The following GLS variants were observed in gnomAD, a reference collection of about 807,000 sequenced individuals.
GLS encodes glutaminase, also known as glutaminase kidney isoform, mitochondrial.
A neutral mutation model predicts 86.7 loss-of-function variants in GLS; 36 were observed. The ratio of observed to expected loss-of-function variants is 0.42; its 90% CI spans 0.32 to 0.55. The LOEUF (loss-of-function observed/expected upper bound fraction) is 0.55, where lower values mean the gene tolerates loss of function less well. GLS is among the 20% of genes least tolerant of loss of function. GLS has a pLI of 0.17. For synonymous variants in GLS, 317 were observed against 305.9 expected (o/e 1.04, Z -0.38); for missense variants, 528 against 833.4 (o/e 0.63, Z 4.51).
At position 190,921,803 on chromosome 2, in the gene GLS, C is replaced by T. The variant is rs1309118260; in HGVS notation, c.1130+600C>T. 5.9e-5 allele frequency among the ~76,000 whole-genome samples: 9 copies of T among 151,946 alleles called. No individual in the cohort carries two copies. Among genetic ancestry groups the T allele is most frequent in the South Asian group, 2.1e-4 (1 of 4,828 alleles). On this transcript the variant is annotated intron_variant, in intron 9 of 17. Coordinates refer to ENST00000320717, the MANE Select transcript of GLS (RefSeq NM_014905.5). This position sits in a 1 kb window ranked among gnomAD's most constrained non-coding sequence, Gnocchi z 4.2. ...ACAATACCATTAACACATGTAAGAA[C>T]GTTAACGTTAATTTTAAAATATCAT...
Position 190,962,712 on chromosome 2 carries a change from A to T in GLS, c.1854-118A>T. ...TCTATTATTAATTTTTATTTGTAAA[A>T]TTGCTAAAATAGCTAAATTTGGCCA... On this transcript the variant is annotated intron_variant, in intron 17 of 17. Transcript: ENST00000320717. This position sits in a 1 kb window ranked among gnomAD's most constrained non-coding sequence, Gnocchi z 4.2. 1 of 510,296 alleles carries T rather than the reference A, an allele frequency of 2.0e-6. No homozygotes were observed. The highest frequency in any genetic ancestry group is 3.3e-6 in the Non-Finnish European group (1 of 305,602). 31.6% of individuals were successfully genotyped at this position (510,296 alleles called of 1,614,324 possible). A position where few individuals can be genotyped will look rare whatever the true frequency, so the allele number is the denominator to read the frequency against.
chr2:190,942,099 A>G (rs1245807495), intron 14 of GLS, among the ~76,000 whole-genome samples: 2 of 12,476 alleles, frequency 1.6e-4, no homozygotes, highest in South Asian at 6.0e-3. Flanking sequence ...TTTTTTTTTG[A>G]GACGGAGTCT....
intron 14 of GLS, chr2:190,934,797 T>TTA: frequency 1.0e-6 from 1 of 963,066 alleles, no homozygotes; most frequent in Non-Finnish European, 1.2e-6. Context: ...TGAAGTACTG[T>TTA]TATCTAAGCT....
Position 190,943,684 on chromosome 2 carries a change from G to T in GLS, c.1651-9881G>T, listed in dbSNP as rs1367560231. On this transcript the variant is annotated intron_variant, in intron 14 of 17. Coordinates refer to ENST00000320717, the MANE Select transcript of GLS (RefSeq NM_014905.5). The surrounding 1 kb of genome is among the most constrained non-coding windows in gnomAD (Gnocchi z 4.5). ...CAATTTTCTGTATTATATGTTGGAGGAGCCTGCTATGTAATTTGAATAATA... is the reference window on the plus strand; with the variant it reads ...CAATTTTCTGTATTATATGTTGGAGTAGCCTGCTATGTAATTTGAATAATA... 6.6e-6 allele frequency among the ~76,000 whole-genome samples: 1 copy of T among 152,122 alleles called. No individual in the cohort carries two copies. The highest frequency in any genetic ancestry group is 1.5e-5 in the Non-Finnish European group (1 of 68,006).
Position 190,895,202 on chromosome 2 carries a change from C to CAA in GLS, c.438_439dup (p.Ile147LysfsTer30). 1 of 1,554,200 alleles carries CAA rather than the reference C, an allele frequency of 6.4e-7. No individual in the cohort carries two copies. Among genetic ancestry groups the CAA allele is most frequent in the Non-Finnish European group, 8.9e-7 (1 of 1,128,986 alleles). On this transcript the variant is annotated frameshift_variant, in exon 2 of 18. Coordinates refer to ENST00000320717, the MANE Select transcript of GLS (RefSeq NM_014905.5). LOFTEE classifies it high-confidence loss of function. This position sits in a 1 kb window ranked among gnomAD's most constrained non-coding sequence, Gnocchi z 4.2. Reference sequence around the variant, plus strand: ...AGCTTGGAAGATTTGCTGTTCTATACAATTGCTGAAGGACAAGAGAAAATA... The same window carrying CAA: ...AGCTTGGAAGATTTGCTGTTCTATACAAAATTGCTGAAGGACAAGAGAAAATA...
chr2:190,926,093 T>G (rs1004506864), intron 11 of GLS, among the ~76,000 whole-genome samples: 7 of 152,216 alleles, frequency 4.6e-5, no homozygotes, highest in African/African-American at 1.4e-4. Flanking sequence ...TACTGACTTT[T>G]TTGGAGAAGG....
chr2:190,892,198 A>T (rs1688587323), intron 1 of GLS, among the ~76,000 whole-genome samples: 1 of 152,200 alleles, frequency 6.6e-6, no homozygotes, highest in Admixed American at 6.6e-5. Context: ...AGGCTAAAGT[A>T]GGGGAAGGAA....
At chr2:190,887,683 TTAGGAATC>T (rs1688433314) in intron 1 of GLS, among the ~76,000 whole-genome samples, 1 of 152,172 alleles carries the variant, frequency 6.6e-6, no homozygotes, top group Non-Finnish European at 1.5e-5. Context: ...TCATACCTTT[TTAGGAATC>T]TAAGTTCACA....
rs1413502468 is a variant in GLS, at chr2:190,962,835, A to G, written c.1859A>G (p.Asn620Ser). Reference protein sequence around the residue: ...KVNPFPKDRWNNTPMDEALHF... With the variant: ...KVNPFPKDRWSNTPMDEALHF... ...ATGCTGTGCTACGTGTTTAGGTGGA[A>G]TAACACTCCCATGGATGAAGCACTG... is the stretch of plus-strand genomic sequence containing the variant. The change falls in exon 18 of 18, where the codon AAT becomes AGT. Residue 620 changes from asparagine (N) to serine (S), a missense_variant. Asn to Ser is a conservative substitution (Grantham distance 46, BLOSUM62 1). Transcript: ENST00000320717. The surrounding 1 kb of genome is among the most constrained non-coding windows in gnomAD (Gnocchi z 4.2). 15 of 1,538,888 alleles carry G rather than the reference A, an allele frequency of 9.7e-6. No individual in the cohort carries two copies. Among genetic ancestry groups the G allele is most frequent in the African/African-American group, 1.4e-5 (1 of 71,984 alleles).
intron 7 of GLS, among the ~76,000 whole-genome samples, chr2:190,919,084 A>G (rs1689647232): frequency 6.6e-6 from 1 of 152,128 alleles, no homozygotes; most frequent in Admixed American, 6.6e-5. Context: ...GTGCCAGTAG[A>G]CTTACTTGAT....
chr2:190,897,213 C>T lies in GLS; in HGVS notation c.605+1488C>T, dbSNP rs939868827. On this transcript the variant is annotated intron_variant, in intron 3 of 17. Coordinates refer to ENST00000320717, the MANE Select transcript of GLS (RefSeq NM_014905.5). The surrounding 1 kb of genome is among the most constrained non-coding windows in gnomAD (Gnocchi z 4.3). ...TGGCTTTTTTGTATTTTTAGTGAGA[C>T]GGGGTTTCACCACGTTGTCCAGGCT... 5.9e-5 allele frequency among the ~76,000 whole-genome samples: 9 copies of T among 152,088 alleles called. No individual in the cohort carries two copies. The highest frequency in any genetic ancestry group is 1.9e-4 in the East Asian group (1 of 5,172).
chr2:190,894,452 C>A (rs746019960), intron 1 of GLS, among the ~76,000 whole-genome samples: 1 of 152,044 alleles, frequency 6.6e-6, no homozygotes, highest in Non-Finnish European at 1.5e-5. Flanking sequence ...GAAATAATAA[C>A]TACAACTACT....
chr2:190,926,359 G>A (rs1049432299), intron 11 of GLS, among the ~76,000 whole-genome samples: 2 of 152,186 alleles, frequency 1.3e-5, no homozygotes, highest in East Asian at 3.9e-4. Flanking sequence ...ATATAAATAG[G>A]CAATGTAGTC....
At chr2:190,937,346 T>C (rs1690300817) in intron 14 of GLS, among the ~76,000 whole-genome samples, 1 of 151,338 alleles carries the variant, frequency 6.6e-6, no homozygotes, top group Non-Finnish European at 1.5e-5. Context: ...GCTAGTAGTT[T>C]ATTAATCTGA....
Position 190,924,132 on chromosome 2 carries a change from G to T in GLS, c.1197+149G>T. On this transcript the variant is annotated intron_variant, in intron 10 of 17. Coordinates refer to ENST00000320717, the MANE Select transcript of GLS (RefSeq NM_014905.5). The surrounding 1 kb of genome is among the most constrained non-coding windows in gnomAD (Gnocchi z 5.2). The stretch of plus-strand genomic sequence containing the variant: ...TTTTGCAGAGTGCTCGTGAGTCAGT[G>T]TTATCAAATTGTTAATGTTATTGTT... 1 of 584,170 alleles carries T rather than the reference G, an allele frequency of 1.7e-6. No individual in the cohort carries two copies. The highest frequency in any genetic ancestry group is 3.0e-6 in the Non-Finnish European group (1 of 329,274). 36.2% of individuals were successfully genotyped at this position (584,170 alleles called of 1,614,324 possible).
intron 1 of GLS, 48 bp downstream of exon 1, chr2:190,881,518 G>C: frequency 2.6e-6 from 4 of 1,509,702 alleles, no homozygotes; most frequent in Non-Finnish European, 3.6e-6. Flanking sequence ...TTCGGGGCCC[G>C]GGCTCAGGCT....
rs147648299 is a variant in GLS, at chr2:190,949,345, G to A, written c.1651-4220G>A. On this transcript the variant is annotated intron_variant, in intron 14 of 17. Transcript: ENST00000320717. The surrounding 1 kb of genome is among the most constrained non-coding windows in gnomAD (Gnocchi z 4.0). ...GAGGGTGGAAGAAGGACCAGAAGCA[G>A]AGGCATCAGTTAATGATTGAATAAA... 2.6e-4 allele frequency among the ~76,000 whole-genome samples: 40 copies of A among 152,272 alleles called. No individual in the cohort carries two copies. The East Asian group carries it at 7.1e-3, about 27-fold the overall frequency.
rs753005281 is a variant in GLS at position 190,962,382 on chromosome 2, T to G, written c.1854-448T>G. The stretch of plus-strand genomic sequence containing the variant: ...TTATTTCTAGACTTCTGAGACTTAC[T>G]GTGGCTTTGAATTGACACAAACACT... On this transcript the variant is annotated intron_variant, in intron 17 of 17. Coordinates refer to ENST00000320717, the MANE Select transcript of GLS (RefSeq NM_014905.5). This position sits in a 1 kb window ranked among gnomAD's most constrained non-coding sequence, Gnocchi z 4.2. Among the ~76,000 whole-genome samples, 1 of 152,224 alleles carries G rather than the reference T, an allele frequency of 6.6e-6. No homozygotes were observed. The highest frequency in any genetic ancestry group is 1.5e-5 in the Non-Finnish European group (1 of 68,034).
intron 14 of GLS, among the ~76,000 whole-genome samples, chr2:190,940,498 T>C (rs746313991): frequency 1.2e-4 from 19 of 152,130 alleles, no homozygotes; most frequent in Non-Finnish European, 1.9e-4. Context: ...TCCACCTATC[T>C]GAATGCCCTT....
Sources: allele counts gnomAD v4.1 joint callset (sites outside exome capture counted in the v4.1 genomes callset), GRCh38; gene constraint gnomAD v4.1.1; non-coding constraint Gnocchi (gnomAD v3.1); transcripts MANE v1.5; gene names NCBI Gene and HGNC (gene_info 2026-07-23, HGNC 2026-07-21).